The following ZBTB20 variants were observed in gnomAD, a reference collection of about 807,000 sequenced individuals.
ZBTB20 encodes the protein zinc finger and BTB domain containing 20.
In ZBTB20, 9 loss-of-function variants were observed where a neutral mutation model predicts 56.9. That is an observed-to-expected ratio of 0.16 (90% CI 0.10 to 0.28). ZBTB20 has a LOEUF of 0.28. ZBTB20 is among the 10% of genes least tolerant of loss of function. The pLI, the probability that ZBTB20 is intolerant of heterozygous loss-of-function variation, is 1.00. For missense variants in ZBTB20, 655 were observed against 1,003.0 expected, an observed-to-expected ratio of 0.65 and a Z score of 4.69; for synonymous variants, 417 against 420.7, an observed-to-expected ratio of 0.99 and a Z score of 0.11.
chr3:114,382,539 T>C (rs969582714), intron 8 of ZBTB20, among the ~76,000 whole-genome samples: 8 of 152,188 alleles, frequency 5.3e-5, no homozygotes, highest in African/African-American at 1.9e-4. Context: ...CCTGTTGAAA[T>C]CATACTTATT....
At chr3:114,819,959 CTAGT>C (rs912392276) in intron 4 of ZBTB20, among the ~76,000 whole-genome samples, 3 of 151,820 alleles carry the variant, frequency 2.0e-5, no homozygotes, top group Admixed American at 2.0e-4. Flanking sequence ...ACTATGTAAA[CTAGT>C]TATTTTGCCT....
In ZBTB20 at chr3:114,909,045, A is replaced by G. The variant is rs1337901161; in HGVS notation, c.-455-8703T>C. 4.6e-5 allele frequency among the ~76,000 whole-genome samples: 7 copies of G among 152,136 alleles called. No homozygotes were observed. The East Asian group carries it at 1.4e-3, about 29-fold the overall frequency. ...ATGATGAATCTTTTCCAAAACTGAT[A>G]AAACCTCAGAAAACTGTAAAACAGC... is the stretch of plus-strand genomic sequence containing the variant. On this transcript the variant is annotated intron_variant, in intron 3 of 11. Transcript: ENST00000675478.
intron 4 of ZBTB20, among the ~76,000 whole-genome samples, chr3:114,837,469 T>C (rs949882922): frequency 6.6e-6 from 1 of 152,120 alleles, no homozygotes; most frequent in African/African-American, 2.4e-5. Context: ...GGTCAAAGTT[T>C]CTCATGAGGT....
chr3:114,524,830 G>A (rs769030845), intron 6 of ZBTB20, among the ~76,000 whole-genome samples: 5 of 151,880 alleles, frequency 3.3e-5, no homozygotes, highest in African/African-American at 9.7e-5. Flanking sequence ...TTCCCCTGCC[G>A]CGGTCTCTTG....
intron 6 of ZBTB20, among the ~76,000 whole-genome samples, chr3:114,672,396 A>T (rs949463683): frequency 3.6e-4 from 54 of 152,066 alleles, no homozygotes; most frequent in African/African-American, 1.3e-3. Context: ...GCAGGATGAA[A>T]AATTAAACAT....
chr3:114,816,512 T>A (rs111629779), intron 4 of ZBTB20, among the ~76,000 whole-genome samples: 3 of 152,078 alleles, frequency 2.0e-5, no homozygotes, highest in Admixed American at 2.0e-4. Flanking sequence ...CATTAAAAAT[T>A]TAGGGGAGAT....
chr3:114,350,931 T>C lies in ZBTB20; in HGVS notation c.1147A>G (p.Ile383Val), dbSNP rs1396988653. 6 of 1,605,744 alleles carry C rather than the reference T, an allele frequency of 3.7e-6. No homozygotes were observed. Among genetic ancestry groups the C allele is most frequent in the Admixed American group, 3.3e-5 (2 of 59,966 alleles). ...ESFDSGVSSS[I>V]GTEPDSVEQQ... Reference sequence around the variant, plus strand: ...TCCACCGAGTCAGGCTCGGTGCCTATGGAGGAGCTGACGCCCGAGTCGAAG... The same window carrying C: ...TCCACCGAGTCAGGCTCGGTGCCTACGGAGGAGCTGACGCCCGAGTCGAAG... Residue 383 changes from isoleucine (I) to valine (V), a missense_variant, in exon 11 of 12, where the codon ATA (isoleucine) becomes GTA (valine). By Grantham distance (29) the Ile-to-Val change is conservative. This residue lies in a region of ZBTB20 where 156 missense variants were observed against 181.0 expected (regional missense o/e 0.86). Coordinates refer to ENST00000675478, the MANE Select transcript of ZBTB20 (RefSeq NM_001348800.3).
chr3:114,338,711 G>T lies in ZBTB20; in HGVS notation c.*294C>A. 1 of 261,286 alleles carries T rather than the reference G, an allele frequency of 3.8e-6. No homozygotes were observed. Among genetic ancestry groups the T allele is most frequent in the Non-Finnish European group, 7.1e-6 (1 of 140,666 alleles). The allele number at this position is 261,286 out of a possible 1,614,324, so 16.2% of individuals were successfully genotyped here. ...TTTTTGTAAAGAAGGGTTGTATTTAGAGGCCAGTAGCTAGAGATCCAACCA... is the reference window on the plus strand; with the variant it reads ...TTTTTGTAAAGAAGGGTTGTATTTATAGGCCAGTAGCTAGAGATCCAACCA... On this transcript the variant is annotated 3_prime_UTR_variant, in exon 12 of 12. Coordinates refer to ENST00000675478, the MANE Select transcript of ZBTB20 (RefSeq NM_001348800.3).
chr3:114,325,963 C>T lies in ZBTB20; in HGVS notation c.*13042G>A, dbSNP rs2079051374. 6.6e-6 allele frequency: 1 copy of T among 151,986 alleles called. No individual in the cohort carries two copies. The highest frequency in any genetic ancestry group is 6.6e-5 in the Admixed American group (1 of 15,256). 9.4% of individuals were successfully genotyped at this position (151,986 alleles called of 1,614,324 possible). On this transcript the variant is annotated 3_prime_UTR_variant, in exon 12 of 12. Coordinates refer to ENST00000675478, the MANE Select transcript of ZBTB20 (RefSeq NM_001348800.3). ...GTACTGGCAATGCAGTGCCAATCTCCCTCTGTTACTGTTCCCTCTAGTGCC... is the reference window on the plus strand; with the variant it reads ...GTACTGGCAATGCAGTGCCAATCTCTCTCTGTTACTGTTCCCTCTAGTGCC...
chr3:114,531,136 T>C (rs1023873162), intron 6 of ZBTB20, among the ~76,000 whole-genome samples: 4 of 152,226 alleles, frequency 2.6e-5, no homozygotes, highest in African/African-American at 9.7e-5. Context: ...AATCTAAATA[T>C]TTTGTGCCAC....
chr3:115,024,234 T>A (rs1446030923), intron 2 of ZBTB20, among the ~76,000 whole-genome samples: 1 of 151,050 alleles, frequency 6.6e-6, no homozygotes, highest in Admixed American at 6.6e-5. Flanking sequence ...ATTTAGCCAA[T>A]AAATATTTAC....
intron 8 of ZBTB20, among the ~76,000 whole-genome samples, 169 bp from the exon 9 acceptor site, chr3:114,381,109 G>A (rs899324195): frequency 1.3e-5 from 2 of 152,132 alleles, no homozygotes; most frequent in African/African-American, 4.8e-5. Context: ...CGGATGAGGG[G>A]GTAGTGATGG....
intron 6 of ZBTB20, among the ~76,000 whole-genome samples, chr3:114,647,537 A>C (rs994144314): frequency 7.9e-5 from 12 of 152,216 alleles, no homozygotes; most frequent in African/African-American, 2.4e-4. Context: ...GAGTGAAAGA[A>C]GCAATGTGAA....
chr3:114,339,434 T>C lies in ZBTB20; in HGVS notation c.1805-8A>G. ...ATTGGTGGGGCTTCTCACCTGTTGA[T>C]GTAGGAAGAGACAGCAAGCAGGACA... On this transcript the variant is annotated splice_region_variant and splice_polypyrimidine_tract_variant and intron_variant, in intron 11 of 11. Transcript: ENST00000675478. The surrounding 1 kb of genome is among the most constrained non-coding windows in gnomAD (Gnocchi z 4.2). The C allele has an allele frequency of 6.2e-7, 1 of 1,610,746 alleles. No individual in the cohort carries two copies. Among genetic ancestry groups the C allele is most frequent in the Non-Finnish European group, 8.5e-7 (1 of 1,178,002 alleles).
intron 2 of ZBTB20, among the ~76,000 whole-genome samples, chr3:115,068,627 G>A (rs374148912): frequency 6.6e-6 from 1 of 151,978 alleles, no homozygotes; most frequent in African/African-American, 2.4e-5. Context: ...AAAGCTTCAC[G>A]ACAGGTAAAG....
chr3:114,975,713 G>A lies in ZBTB20; in HGVS notation c.-506-1297C>T, dbSNP rs578115541. Among the ~76,000 whole-genome samples the A allele has an allele frequency of 7.5e-4, 114 of 152,226 alleles. 1 individual carries two copies. Among genetic ancestry groups the A allele is most frequent in the African/African-American group, 2.6e-3 (109 of 41,552 alleles). ...AGAACAATTAATGATGAAGAAATAGGATGATTAGGAACAGAAAAGAAAAAA... is the reference window on the plus strand; with the variant it reads ...AGAACAATTAATGATGAAGAAATAGAATGATTAGGAACAGAAAAGAAAAAA... On this transcript the variant is annotated intron_variant, in intron 2 of 11. Coordinates refer to ENST00000675478, the MANE Select transcript of ZBTB20 (RefSeq NM_001348800.3).
chr3:114,736,424 T>C (rs764231208), intron 5 of ZBTB20, among the ~76,000 whole-genome samples: 9 of 152,202 alleles, frequency 5.9e-5, no homozygotes, highest in Non-Finnish European at 7.3e-5. Flanking sequence ...TCTGGAATGA[T>C]GTTCTATTGA....
At chr3:114,935,472 C>G (rs771234476) in intron 3 of ZBTB20, among the ~76,000 whole-genome samples, 1 of 152,074 alleles carries the variant, frequency 6.6e-6, no homozygotes, top group Non-Finnish European at 1.5e-5. Context: ...ATTCTTGACT[C>G]AAAACATCCT....
chr3:114,936,124 G>A (rs950351479), intron 3 of ZBTB20, among the ~76,000 whole-genome samples: 9 of 151,836 alleles, frequency 5.9e-5, no homozygotes, highest in African/African-American at 2.2e-4. Context: ...AATAGTGGAG[G>A]AAACACAATA....
Sources: gnomAD v4.1 joint callset for allele counts (sites outside exome capture counted in the v4.1 genomes callset) on GRCh38, gnomAD v4.1.1 for gene constraint, gnomAD v4.1.1 regional missense constraint, Gnocchi (gnomAD v3.1) non-coding constraint, MANE v1.5 for transcripts, NCBI Gene and HGNC (gene_info 2026-07-23, HGNC 2026-07-21) for gene names.